Variants in ZMYM4 observed in about 807,000 individuals in gnomAD.
ZMYM4 encodes the protein zinc finger MYM-type protein 4.
ZMYM4 carries 31 observed loss-of-function variants against 183.2 expected under a neutral mutation model. That is an observed-to-expected ratio of 0.17 (90% CI 0.13 to 0.23). The LOEUF is 0.23. ZMYM4 is among the 10% of genes least tolerant of loss of function. The pLI is 1.00. For synonymous variants in ZMYM4, 592 were observed against 631.2 expected, an observed-to-expected ratio of 0.94 and a Z score of 0.93; for missense variants, 1,273 against 1,840.3, an observed-to-expected ratio of 0.69 and a Z score of 5.64.
At chr1:35,371,307 G>A (rs913583956) in intron 7 of ZMYM4, among the ~76,000 whole-genome samples, 2 of 151,874 alleles carry the variant, frequency 1.3e-5, no homozygotes, top group African/African-American at 4.8e-5. Flanking sequence ...TAGTAGAGAC[G>A]GGCTTTCTCT....
intron 2 of ZMYM4, among the ~76,000 whole-genome samples, chr1:35,335,282 G>C (rs1642924130): frequency 1.3e-5 from 2 of 151,720 alleles, no homozygotes; most frequent in Admixed American, 1.3e-4. Flanking sequence ...TGTCACCCAG[G>C]CTGGAGTGCA....
At chr1:35,391,338 C>T (rs182928045) in intron 15 of ZMYM4, among the ~76,000 whole-genome samples, 4 of 152,298 alleles carry the variant, frequency 2.6e-5, no homozygotes, top group South Asian at 4.1e-4. Flanking sequence ...TGTTCTCCCC[C>T]ACCTGGGCCC....
intron 1 of ZMYM4, among the ~76,000 whole-genome samples, chr1:35,308,620 G>A (rs370141430): frequency 7.9e-5 from 12 of 152,276 alleles, no homozygotes; most frequent in East Asian, 7.7e-4. Context: ...AGCTCTTTCG[G>A]AGGCCAAGAG....
rs1036293683 is a variant in ZMYM4, at chr1:35,304,848, T to TATTC, written c.40-20509_40-20508insCATT. Among the ~76,000 whole-genome samples the TATTC allele has an allele frequency of 4.6e-4, 70 of 151,192 alleles. 1 individual carries two copies. The highest frequency in any genetic ancestry group is 7.8e-4 in the Non-Finnish European group (53 of 67,752). On this transcript the variant is annotated intron_variant, in intron 1 of 29. Transcript: ENST00000314607. Reference sequence around the variant, plus strand: ...TCTTGGTGCCTCCACAAGTAAACTTTATTTTTTATTATTTTTTAGACAGAG... The same window carrying TATTC: ...TCTTGGTGCCTCCACAAGTAAACTTTATTCATTTTTTATTATTTTTTAGACAGAG...
intron 2 of ZMYM4, among the ~76,000 whole-genome samples, chr1:35,335,767 C>T (rs1413078292): frequency 6.6e-6 from 1 of 151,970 alleles, no homozygotes; most frequent in Non-Finnish European, 1.5e-5. Context: ...TCCTAGCTAA[C>T]ACGGTGAAAC....
At chr1:35,294,622 A>G (rs1486556747) in intron 1 of ZMYM4, among the ~76,000 whole-genome samples, 1 of 152,142 alleles carries the variant, frequency 6.6e-6, no homozygotes, top group East Asian at 1.9e-4. Flanking sequence ...TCGTGTTTGG[A>G]TGGTCTACTG....
At chr1:35,299,023 T>G (rs995292498) in intron 1 of ZMYM4, among the ~76,000 whole-genome samples, 1 of 151,480 alleles carries the variant, frequency 6.6e-6, no homozygotes, top group African/African-American at 2.4e-5. Flanking sequence ...TTGCCTTCAG[T>G]TTTGAAAGTT....
At chr1:35,304,366 A>G (rs1271325116) in intron 1 of ZMYM4, among the ~76,000 whole-genome samples, 1 of 151,896 alleles carries the variant, frequency 6.6e-6, no homozygotes, top group Non-Finnish European at 1.5e-5. Flanking sequence ...AATTTTTGAT[A>G]TTGTAATTAT....
chr1:35,365,598 A>AT (rs1644057944), intron 5 of ZMYM4, among the ~76,000 whole-genome samples: 1 of 152,272 alleles, frequency 6.6e-6, no homozygotes, highest in Middle Eastern at 3.4e-3. Context: ...TTTTAGCCAT[A>AT]TTGAGTTAAT....
At chr1:35,304,548 C>T (rs1641440302) in intron 1 of ZMYM4, among the ~76,000 whole-genome samples, 1 of 150,820 alleles carries the variant, frequency 6.6e-6, no homozygotes, top group Admixed American at 6.6e-5. Flanking sequence ...ACCTCTGCCT[C>T]CTGGGCTCAA....
intron 1 of ZMYM4, among the ~76,000 whole-genome samples, chr1:35,324,340 G>C (rs188655966): frequency 6.6e-6 from 1 of 151,500 alleles, no homozygotes; most frequent in African/African-American, 2.4e-5. Context: ...CTTGTGATCC[G>C]CCCACCTCAG....
intron 6 of ZMYM4, 67 bp downstream of exon 6, chr1:35,370,180 C>A: frequency 1.3e-6 from 2 of 1,568,690 alleles, no homozygotes; most frequent in Non-Finnish European, 1.7e-6. Context: ...AGAAATTCTG[C>A]TTGTATTAAT....
At chr1:35,322,387 G>A (rs1407382764) in intron 1 of ZMYM4, among the ~76,000 whole-genome samples, 2 of 151,286 alleles carry the variant, frequency 1.3e-5, no homozygotes, top group Non-Finnish European at 2.9e-5. Context: ...TCTTTTTCTG[G>A]TTAAAAGACT....
chr1:35,381,079 TA>T (rs1468414148), intron 7 of ZMYM4, among the ~76,000 whole-genome samples, 179 bp from the exon 8 acceptor site: 1 of 152,160 alleles, frequency 6.6e-6, no homozygotes. Context: ...TCATAGAAAA[TA>T]ATTTAAGGAT....
At chr1:35,379,282 A>G (rs985342316) in intron 7 of ZMYM4, among the ~76,000 whole-genome samples, 2 of 152,124 alleles carry the variant, frequency 1.3e-5, no homozygotes, top group Admixed American at 1.3e-4. Flanking sequence ...TCTATTTTTA[A>G]TAGAGATGGG....
At chr1:35,400,990 C>T (rs1644897911) in intron 23 of ZMYM4, among the ~76,000 whole-genome samples, 1 of 152,190 alleles carries the variant, frequency 6.6e-6, no homozygotes, top group Admixed American at 6.5e-5. Flanking sequence ...CATGGACAAA[C>T]TACAATTTGT....
intron 2 of ZMYM4, among the ~76,000 whole-genome samples, chr1:35,348,768 T>C (rs973660456): frequency 6.6e-5 from 10 of 152,266 alleles, no homozygotes; most frequent in Non-Finnish European, 8.8e-5. Flanking sequence ...CCAAACTTTA[T>C]TAATACTTGC....
intron 9 of ZMYM4, among the ~76,000 whole-genome samples, chr1:35,383,904 G>A (rs997720312): frequency 5.3e-5 from 8 of 152,148 alleles, no homozygotes; most frequent in Non-Finnish European, 1.0e-4. Context: ...TTTTCTGTCT[G>A]TAAATAACTA....
At chr1:35,358,492 A>G (rs1262373101) in intron 2 of ZMYM4, among the ~76,000 whole-genome samples, 1 of 152,102 alleles carries the variant, frequency 6.6e-6, no homozygotes, top group Non-Finnish European at 1.5e-5. Flanking sequence ...TCTATTTGTC[A>G]GTCATTGTGT....
Sources: allele counts gnomAD v4.1 joint callset (sites outside exome capture counted in the v4.1 genomes callset), GRCh38; gene constraint gnomAD v4.1.1; transcripts MANE v1.5; gene names NCBI Gene and HGNC (gene_info 2026-07-23, HGNC 2026-07-21).